PGD: variants seen among roughly 807,000 people sequenced by gnomAD.
PGD encodes phosphogluconate dehydrogenase, also known as 6-phosphogluconate dehydrogenase, decarboxylating.
In PGD, 21 loss-of-function variants were observed where a neutral mutation model predicts 60.4. That is an observed-to-expected ratio of 0.35 (90% CI 0.25 to 0.50). The LOEUF (loss-of-function observed/expected upper bound fraction) is 0.50. Among genes scored for constraint, PGD ranks in the 20% least tolerant of loss-of-function variants. PGD has a pLI of 0.98. For synonymous variants in PGD, 230 were observed against 235.9 expected, an observed-to-expected ratio of 0.97 and a Z score of 0.23; for missense variants, 477 against 613.1, an observed-to-expected ratio of 0.78 and a Z score of 2.34.
At chr1:10,414,466 C>G (rs1639560352) in intron 8 of PGD, among the ~76,000 whole-genome samples, 1 of 151,960 alleles carries the variant, frequency 6.6e-6, no homozygotes, top group Non-Finnish European at 1.5e-5. Context: ...CCTCCACCTC[C>G]CGGGTTCAAG....
At position 10,420,431 on chromosome 1, in the gene PGD, C is replaced by T. The variant is rs1277747161; in HGVS notation, c.*682C>T. 8.3e-6 allele frequency among the ~76,000 whole-genome samples: 1 copy of T among 120,894 alleles called. No homozygotes were observed. Among genetic ancestry groups the T allele is most frequent in the South Asian group, 2.8e-4 (1 of 3,572 alleles). The allele number at this position is 120,894 out of a possible 152,430, so 79.3% of individuals were successfully genotyped here. On this transcript the variant is annotated 3_prime_UTR_variant, in exon 13 of 13. Coordinates refer to ENST00000270776, the MANE Select transcript of PGD (RefSeq NM_002631.4). ...TTTTTTTTGCTCCTGGCAAGCTGTG[C>T]GTGACATTCTTTATGGCTTTTTGTA...
intron 1 of PGD, 26 bp downstream of exon 1, chr1:10,399,151 G>T: frequency 6.2e-7 from 1 of 1,607,608 alleles, no homozygotes. Context: ...GGGGCAGCCC[G>T]GCTCGGCCTC....
At chr1:10,403,212 C>T (rs2102386504) in intron 4 of PGD, 76 bp downstream of exon 4, 3 of 991,828 alleles carry the variant, frequency 3.0e-6, no homozygotes, top group South Asian at 2.6e-5. Flanking sequence ...GCATATGTGA[C>T]AGTAGGGTGA....
At chr1:10,411,364 T>G in intron 6 of PGD, 54 bp from the exon 7 acceptor site, 1 of 1,608,096 alleles carries the variant, frequency 6.2e-7, no homozygotes, top group Non-Finnish European at 8.5e-7. Flanking sequence ...TGTGGACTTC[T>G]CTGATGTGTC....
At chr1:10,402,824 A>G (rs1569970078) in intron 3 of PGD, among the ~76,000 whole-genome samples, 2 of 151,946 alleles carry the variant, frequency 1.3e-5, no homozygotes, top group African/African-American at 2.4e-5. Context: ...CGCCTGGCCT[A>G]CAAAAAAAAT....
intron 3 of PGD, among the ~76,000 whole-genome samples, chr1:10,401,992 G>T (rs1045719803): frequency 6.6e-6 from 1 of 152,082 alleles, no homozygotes; most frequent in Non-Finnish European, 1.5e-5. Flanking sequence ...TGCAGCCTGG[G>T]TGACAGTGCG....
Position 10,413,202 on chromosome 1 carries a change from G to A in PGD, c.795G>A (p.Lys265=). 3.1e-6 allele frequency: 5 copies of A among 1,614,216 alleles called. No individual in the cohort carries two copies. The highest frequency in any genetic ancestry group is 4.2e-6 in the Non-Finnish European group (5 of 1,180,042). Residue 265 remains lysine (K), a synonymous_variant, in exon 8 of 13, where the codon AAG becomes AAA. Transcript: ENST00000270776. ...RDSAGQKGTG[K]WTAISALEYG... ...GCGCGGGGCAGAAGGGCACAGGGAAGTGGACCGCCATCTCCGCCCTGGAAT... is the reference window on the plus strand; with the variant it reads ...GCGCGGGGCAGAAGGGCACAGGGAAATGGACCGCCATCTCCGCCCTGGAAT...
chr1:10,400,447 G>A lies in PGD; in HGVS notation c.139G>A (p.Ala47Thr). The A allele has an allele frequency of 6.2e-7, 1 of 1,613,946 alleles. No homozygotes were observed. The highest frequency in any genetic ancestry group is 1.3e-5 in the African/African-American group (1 of 75,018). ...SKVDDFLANE[A>T]KGTKVVGAQS... ...AGTTGATGATTTCTTGGCCAATGAG[G>A]CAAAGGGAACCAAAGTGGTGGGTGC... is the stretch of plus-strand genomic sequence containing the variant. The change falls in exon 3 of 13, where the codon GCA becomes ACA. Residue 47 changes from alanine to threonine, a missense_variant. By Grantham distance (58) the Ala-to-Thr change is moderately conservative. This residue lies in a region of PGD where 431 missense variants were observed against 556.6 expected (regional missense o/e 0.77). Coordinates refer to ENST00000270776, the MANE Select transcript of PGD (RefSeq NM_002631.4).
chr1:10,400,414 G>A lies in PGD; in HGVS notation c.106G>A (p.Val36Ile). ...CTAGGTCTGTGCTTTTAATAGGACTGTCTCCAAAGTTGATGATTTCTTGGC... is the reference window on the plus strand; with the variant it reads ...CTAGGTCTGTGCTTTTAATAGGACTATCTCCAAAGTTGATGATTTCTTGGC... ...GFVVCAFNRT[V>I]SKVDDFLANE... The change falls in exon 3 of 13, where the codon GTC becomes ATC. Residue 36 changes from valine (V) to isoleucine (I), a missense_variant. By Grantham distance (29) the Val-to-Ile change is conservative (BLOSUM62 3). Transcript: ENST00000270776. The A allele has an allele frequency of 6.2e-7, 1 of 1,613,744 alleles. No individual in the cohort carries two copies. The highest frequency in any genetic ancestry group is 8.5e-7 in the Non-Finnish European group (1 of 1,179,760).
intron 3 of PGD, 55 bp downstream of exon 3, chr1:10,400,627 TTCC>T (rs1639300050): frequency 2.2e-6 from 3 of 1,371,520 alleles, no homozygotes; most frequent in Non-Finnish European, 3.0e-6. Flanking sequence ...TTTTGGTTTC[TTCC>T]TTTAGTTCTC....
rs150507721 is a variant in PGD, at chr1:10,400,563, C to T, written c.255C>T (p.Ile85=). ...CTGGGCAAGCTGTGGATGATTTCATCGAGAAATTGGTGAGGCCAGCTGTGC... is the reference window on the plus strand; with the variant it reads ...CTGGGCAAGCTGTGGATGATTTCATTGAGAAATTGGTGAGGCCAGCTGTGC... The part of the protein sequence containing the change: ...VKAGQAVDDF[I]EKLVPLLDTG... Residue 85 remains isoleucine (I), a synonymous_variant, in exon 3 of 13, where the codon ATC becomes ATT. Coordinates refer to ENST00000270776, the MANE Select transcript of PGD (RefSeq NM_002631.4). 2.5e-6 allele frequency: 4 copies of T among 1,613,118 alleles called. No individual in the cohort carries two copies. In the African/African-American group the frequency reaches 4.0e-5, roughly 16 times the overall value.
chr1:10,416,495 C>G (rs1413661829), intron 8 of PGD, among the ~76,000 whole-genome samples: 2 of 152,210 alleles, frequency 1.3e-5, no homozygotes, highest in Admixed American at 1.3e-4. Context: ...CACCTTTCTT[C>G]TGGTTGCTGT....
rs372911706 is a variant in PGD, at chr1:10,417,474, C to T, written c.1074C>T (p.Ile358=). ...EFGWTLNYGG[I]ALMWRGGCII... is the part of the protein sequence containing the mutation. Reference sequence around the variant, plus strand: ...GCTGGACTCTCAATTATGGTGGCATCGCCCTGATGTGGAGAGGGGGCTGCA... The same window carrying T: ...GCTGGACTCTCAATTATGGTGGCATTGCCCTGATGTGGAGAGGGGGCTGCA... Residue 358 remains isoleucine, a synonymous_variant, in exon 10 of 13, where the codon ATC becomes ATT. Transcript: ENST00000270776. The T allele has an allele frequency of 3.7e-5, 60 of 1,613,622 alleles. No individual in the cohort carries two copies. The highest frequency in any genetic ancestry group is 4.5e-5 in the Non-Finnish European group (53 of 1,179,850).
At chr1:10,412,922 CAGGAGCAGAA>C (rs761591747) in intron 7 of PGD, 130 bp from the exon 8 acceptor site, 53 of 645,582 alleles carry the variant, frequency 8.2e-5, no homozygotes, top group Non-Finnish European at 1.4e-4. Context: ...ACTCAACCAG[CAGGAGCAGAA>C]GTCCCCAGGC....
chr1:10,411,604 G>T, intron 7 of PGD, 52 bp downstream of exon 7: 2 of 1,607,202 alleles, frequency 1.2e-6, no homozygotes. Flanking sequence ...TGCTCACTTT[G>T]CCACAGACAC....
At position 10,411,501 on chromosome 1, in the gene PGD, A is replaced by T; in HGVS notation, c.603A>T (p.Ala201=). Reference sequence around the variant, plus strand: ...GGGACATGCAGCTGATCTGTGAGGCATACCACCTGATGAAAGACGTGCTGG... The same window carrying T: ...GGGACATGCAGCTGATCTGTGAGGCTTACCACCTGATGAAAGACGTGCTGG... ...EYGDMQLICE[A]YHLMKDVLGM... Residue 201 remains alanine, a synonymous_variant, in exon 7 of 13, where the codon GCA becomes GCT. Transcript: ENST00000270776. The T allele has an allele frequency of 1.2e-6, 2 of 1,613,898 alleles. No individual in the cohort carries two copies. Among genetic ancestry groups the T allele is most frequent in the Non-Finnish European group, 1.7e-6 (2 of 1,179,846 alleles).
Position 10,411,533 on chromosome 1 carries a change from C to G in PGD, c.635C>G (p.Ala212Gly), listed in dbSNP as rs747211148. ...CTGATGAAAGACGTGCTGGGCATGG[C>G]GCAGGACGAGATGGCCCAGGTGAGG... ...YHLMKDVLGM[A>G]QDEMAQAFED... The change falls in exon 7 of 13, where the codon GCG becomes GGG. Residue 212 changes from alanine (A) to glycine (G), a missense_variant. Physicochemically the swap from Ala to Gly is moderately conservative, Grantham distance 60. Coordinates refer to ENST00000270776, the MANE Select transcript of PGD (RefSeq NM_002631.4). 3 of 1,613,990 alleles carry G rather than the reference C, an allele frequency of 1.9e-6. No homozygotes were observed. The highest frequency in any genetic ancestry group is 2.5e-6 in the Non-Finnish European group (3 of 1,179,932).
In PGD at chr1:10,419,475, T is replaced by A; in HGVS notation, c.1268T>A (p.Phe423Tyr). The change falls in exon 12 of 13, where the codon TTT becomes TAT. Residue 423 changes from phenylalanine (F) to tyrosine (Y), a missense_variant. By Grantham distance (22) the Phe-to-Tyr change is conservative. Transcript: ENST00000270776. ...GVQAGIPMPC[F>Y]TTALSFYDGY... ...CAGGCTGGCATTCCCATGCCCTGTT[T>A]TACCACTGCCCTCTCCTTCTATGAC... 1.2e-6 allele frequency: 2 copies of A among 1,614,170 alleles called. No individual in the cohort carries two copies. Among genetic ancestry groups the A allele is most frequent in the Non-Finnish European group, 1.7e-6 (2 of 1,180,022 alleles).
intron 7 of PGD, among the ~76,000 whole-genome samples, chr1:10,412,048 C>G (rs1013752113): frequency 1.3e-5 from 2 of 152,336 alleles, no homozygotes; most frequent in Admixed American, 6.5e-5. Flanking sequence ...TTCTCCCATC[C>G]ACAGGTTCCT....
Sources: gnomAD v4.1 joint callset for allele counts (sites outside exome capture counted in the v4.1 genomes callset) on GRCh38, gnomAD v4.1.1 for gene constraint, gnomAD v4.1.1 regional missense constraint, MANE v1.5 for transcripts, NCBI Gene and HGNC (gene_info 2026-07-23, HGNC 2026-07-21) for gene names.